Variants in LYZL4 observed in about 807,000 individuals in gnomAD.
LYZL4 encodes lysozyme like 4.
A neutral mutation model predicts 17.6 loss-of-function variants in LYZL4; 13 were observed. That is an observed-to-expected ratio of 0.74 (90% confidence interval 0.48 to 1.18). LYZL4 has a LOEUF of 1.18. LYZL4 is among the 50% of genes most tolerant of loss of function. The pLI is 0.00. For synonymous variants in LYZL4, 64 were observed against 67.7 expected, an observed-to-expected ratio of 0.95 and a Z score of 0.27; for missense variants, 174 against 188.2, an observed-to-expected ratio of 0.92 and a Z score of 0.44.
the LYZL4 span, among the ~76,000 whole-genome samples, chr3:42,389,302 T>G: frequency 6.6e-6 from 1 of 152,188 alleles, no homozygotes; most frequent in East Asian, 1.9e-4. Context: ...AGAATTCTTA[T>G]AGTAGGCCAT....
chr3:42,403,844 A>G (rs1698702820), intron 4 of LYZL4, among the ~76,000 whole-genome samples: 1 of 152,208 alleles, frequency 6.6e-6, no homozygotes, highest in Non-Finnish European at 1.5e-5. Flanking sequence ...GAAAAAAAGT[A>G]CAATTCAAGG....
chr3:42,366,549 C>T, the LYZL4 span, among the ~76,000 whole-genome samples: 1 of 152,198 alleles, frequency 6.6e-6, no homozygotes, highest in Non-Finnish European at 1.5e-5. Flanking sequence ...TACATCTTGA[C>T]TCCAGTGTCA....
chr3:42,398,255 A>G (rs957455673), intron 4 of LYZL4, among the ~76,000 whole-genome samples: 2 of 152,150 alleles, frequency 1.3e-5, no homozygotes, highest in Admixed American at 6.5e-5. Context: ...GAGCTGACCA[A>G]CCGAGCTTTG....
At chr3:42,408,374 T>G (rs1698800343) in intron 1 of LYZL4, among the ~76,000 whole-genome samples, 1 of 152,064 alleles carries the variant, frequency 6.6e-6, no homozygotes, top group East Asian at 1.9e-4. Flanking sequence ...CCCACTCCAT[T>G]CTCCAGGGAG....
chr3:42,396,234 T>A (rs530287941), downstream of LYZL4, among the ~76,000 whole-genome samples: 2 of 152,200 alleles, frequency 1.3e-5, no homozygotes, highest in African/African-American at 2.4e-5. Flanking sequence ...ACTCTAGTTC[T>A]TTTCTTCCTG....
chr3:42,382,097 C>T, the LYZL4 span, among the ~76,000 whole-genome samples: 2 of 152,246 alleles, frequency 1.3e-5, no homozygotes, highest in Admixed American at 6.5e-5. Flanking sequence ...AGGACACATA[C>T]GGATCACCTA....
chr3:42,382,446 A>T, the LYZL4 span, among the ~76,000 whole-genome samples: 1 of 152,164 alleles, frequency 6.6e-6, no homozygotes, highest in Admixed American at 6.5e-5. Flanking sequence ...AATATGTCAT[A>T]TTAATATTTA....
chr3:42,369,030 TA>T, the LYZL4 span, among the ~76,000 whole-genome samples: 3 of 152,256 alleles, frequency 2.0e-5, no homozygotes, highest in African/African-American at 7.2e-5. Flanking sequence ...ATGAAAAGCT[TA>T]AATCCCCAGC....
downstream of LYZL4, among the ~76,000 whole-genome samples, chr3:42,396,682 A>T (rs1280540999): frequency 2.6e-5 from 4 of 152,230 alleles, no homozygotes; most frequent in East Asian, 1.9e-4. Context: ...CCTTTTTAAC[A>T]TTTCTGTATT....
the LYZL4 span, among the ~76,000 whole-genome samples, chr3:42,383,435 C>A: frequency 7.5e-6 from 1 of 133,794 alleles, no homozygotes; most frequent in African/African-American, 2.9e-5. Flanking sequence ...CAACTGATTT[C>A]CACCAAAAAA....
chr3:42,379,384 A>G, the LYZL4 span, among the ~76,000 whole-genome samples: 1 of 152,356 alleles, frequency 6.6e-6, no homozygotes, highest in South Asian at 2.1e-4. Context: ...GGGCCTGGAA[A>G]ATGGCACAAT....
chr3:42,406,512 G>A (rs1001427809), intron 3 of LYZL4, among the ~76,000 whole-genome samples: 2 of 151,194 alleles, frequency 1.3e-5, no homozygotes, highest in Admixed American at 6.6e-5. Flanking sequence ...GTGGCCGAGC[G>A]TGGGTGAAAT....
At chr3:42,373,310 G>A in the LYZL4 span, among the ~76,000 whole-genome samples, 1 of 152,118 alleles carries the variant, frequency 6.6e-6, no homozygotes, top group Non-Finnish European at 1.5e-5. Context: ...TGAGGTGAGG[G>A]TCCTGGACAT....
At chr3:42,396,131 A>G (rs1698547647), downstream of LYZL4, among the ~76,000 whole-genome samples, 2 of 152,236 alleles carry the variant, frequency 1.3e-5, no homozygotes, top group South Asian at 4.1e-4. Context: ...ATGGTGTGTC[A>G]TATACTGAAA....
intron 4 of LYZL4, among the ~76,000 whole-genome samples, chr3:42,403,093 T>C (rs563088354): frequency 3.0e-4 from 46 of 152,334 alleles, no homozygotes; most frequent in African/African-American, 1.1e-3. Context: ...TCAGTTAATG[T>C]ACCAAATACA....
downstream of LYZL4, among the ~76,000 whole-genome samples, chr3:42,396,085 A>G (rs1698547168): frequency 6.6e-6 from 1 of 152,176 alleles, no homozygotes; most frequent in African/African-American, 2.4e-5. Flanking sequence ...AGAAAAAAAG[A>G]AAACATCTAA....
intron 2 of LYZL4, 24 bp downstream of exon 2, chr3:42,407,089 G>T (rs1219651409): frequency 6.2e-7 from 1 of 1,613,682 alleles, no homozygotes; most frequent in Admixed American, 1.7e-5. Context: ...TGAGAGGAGG[G>T]AGCACTAAGT....
downstream of LYZL4, among the ~76,000 whole-genome samples, chr3:42,394,551 G>C (rs1047637441): frequency 6.6e-6 from 1 of 152,180 alleles, no homozygotes; most frequent in African/African-American, 2.4e-5. Flanking sequence ...TATATGGTTG[G>C]AGTTAATATG....
the LYZL4 span, among the ~76,000 whole-genome samples, chr3:42,368,337 G>A: frequency 1.3e-5 from 2 of 152,178 alleles, no homozygotes; most frequent in African/African-American, 2.4e-5. Flanking sequence ...TTGGTGGGGC[G>A]AGGATGTCGA....
Sources: allele counts gnomAD v4.1 joint callset (sites outside exome capture counted in the v4.1 genomes callset), GRCh38; gene constraint gnomAD v4.1.1; transcripts MANE v1.5; gene names NCBI Gene and HGNC (gene_info 2026-07-23, HGNC 2026-07-21).